The following ZNF487 variants were observed in gnomAD, a reference collection of about 807,000 sequenced individuals.
ZNF487 encodes KRAB domain only 1.
ZNF487 carries 4 observed loss-of-function variants against 3.0 expected under a neutral mutation model. The ratio of observed to expected loss-of-function variants is 1.35; its 90% CI spans 0.66 to 3.08. ZNF487 has a LOEUF of 3.08. Among genes scored for constraint, ZNF487 ranks in the 30% most tolerant of loss-of-function variants. ZNF487 has a pLI of 0.01. For synonymous variants in ZNF487, 55 were observed against 34.6 expected, an observed-to-expected ratio of 1.59 and a Z score of -2.06; for missense variants, 146 against 98.7, an observed-to-expected ratio of 1.48 and a Z score of -2.03.
intron 1 of ZNF487, among the ~76,000 whole-genome samples, chr10:43,438,642 A>G (rs1188179033): frequency 6.6e-6 from 1 of 152,182 alleles, no homozygotes; most frequent in South Asian, 2.1e-4. Context: ...TCCAAGAGAA[A>G]TGAAAGCGGG....
At chr10:43,470,974 T>C (rs1840885991) in intron 1 of ZNF487, among the ~76,000 whole-genome samples, 2 of 152,106 alleles carry the variant, frequency 1.3e-5, no homozygotes, top group Non-Finnish European at 2.9e-5. Flanking sequence ...ACTACAGGCA[T>C]GCACCACCAC....
intron 1 of ZNF487, among the ~76,000 whole-genome samples, chr10:43,462,249 G>A (rs1386548954): frequency 1.3e-5 from 2 of 151,766 alleles, no homozygotes; most frequent in Non-Finnish European, 2.9e-5. Flanking sequence ...CTCCCGAAGT[G>A]CTGGGATTGT....
chr10:43,438,636 A>C (rs531486457), intron 1 of ZNF487, among the ~76,000 whole-genome samples: 2 of 152,334 alleles, frequency 1.3e-5, no homozygotes, highest in South Asian at 4.1e-4. Context: ...TCTGAATCCA[A>C]GAGAAATGAA....
intron 1 of ZNF487, among the ~76,000 whole-genome samples, chr10:43,466,952 T>C (rs926326374): frequency 2.0e-5 from 3 of 151,728 alleles, no homozygotes; most frequent in Admixed American, 2.0e-4. Context: ...CACTGCAACC[T>C]CCACCTCCTA....
chr10:43,453,552 G>A, intron 1 of ZNF487: 1 of 152,156 alleles, frequency 6.6e-6, no homozygotes, highest in East Asian at 1.9e-4. Flanking sequence ...GTTATGGGGG[G>A]AGAGTTCTGC....
chr10:43,503,658 T>G, the ZNF487 span, among the ~76,000 whole-genome samples: 19,127 of 151,882 alleles, frequency 0.13, 2,578 homozygotes, highest in African/African-American at 0.34. Context: ...CAGGGTGGAG[T>G]ATAGTGGCAT....
chr10:43,470,066 A>T (rs1350290458), intron 1 of ZNF487, among the ~76,000 whole-genome samples: 1 of 152,174 alleles, frequency 6.6e-6, no homozygotes, highest in Non-Finnish European at 1.5e-5. Flanking sequence ...AAACCAACAT[A>T]CTCGCATGAC....
chr10:43,510,838 G>A, the ZNF487 span, among the ~76,000 whole-genome samples: 1 of 152,288 alleles, frequency 6.6e-6, no homozygotes, highest in South Asian at 2.1e-4. Flanking sequence ...GAGCCACCGT[G>A]CCCGGCCCTG....
At chr10:43,495,920 G>T in the ZNF487 span, 3 of 438,026 alleles carry the variant, frequency 6.8e-6, no homozygotes, top group Non-Finnish European at 4.7e-6. Context: ...TTTTTTCTTT[G>T]AGTATCAATA....
chr10:43,463,214 A>G (rs1840497121), intron 1 of ZNF487, among the ~76,000 whole-genome samples: 1 of 147,066 alleles, frequency 6.8e-6, no homozygotes, highest in African/African-American at 2.5e-5. Context: ...AGCCTGGGCA[A>G]CAAGAGCAAA....
the ZNF487 span, chr10:43,523,219 T>A: frequency 6.6e-6 from 1 of 152,236 alleles, no homozygotes; most frequent in African/African-American, 2.4e-5. Flanking sequence ...TTATAAGATA[T>A]GGTAAACTAT....
the ZNF487 span, among the ~76,000 whole-genome samples, chr10:43,504,719 TGTTG>T: frequency 1.5e-3 from 101 of 68,880 alleles, no homozygotes; most frequent in Non-Finnish European, 3.3e-3. Flanking sequence ...TTGTTGTTGT[TGTTG>T]TTTTTTTTTT....
the ZNF487 span, among the ~76,000 whole-genome samples, chr10:43,513,875 G>A: frequency 6.6e-6 from 1 of 152,152 alleles, no homozygotes; most frequent in Non-Finnish European, 1.5e-5. Context: ...CCCTGGAATC[G>A]TTAGCTCAGA....
the ZNF487 span, among the ~76,000 whole-genome samples, chr10:43,518,522 C>T: frequency 6.6e-6 from 1 of 152,024 alleles, no homozygotes; most frequent in African/African-American, 2.4e-5. Flanking sequence ...TTGCCCCTTT[C>T]TGATGCCCCT....
chr10:43,513,940 AGTTACC>A, the ZNF487 span, among the ~76,000 whole-genome samples: 1 of 152,166 alleles, frequency 6.6e-6, no homozygotes, highest in Non-Finnish European at 1.5e-5. Context: ...CCCAGTGCAC[AGTTACC>A]CTGGTAAAAG....
chr10:43,493,710 ATATATATAT>A, the ZNF487 span, among the ~76,000 whole-genome samples: 247 of 24,918 alleles, frequency 9.9e-3, 3 homozygotes, highest in Non-Finnish European at 0.013. Context: ...AAAAAAAAAA[ATATATATAT>A]ATATATATAT....
At chr10:43,465,392 G>A (rs1316527747) in intron 1 of ZNF487, among the ~76,000 whole-genome samples, 27 of 148,934 alleles carry the variant, frequency 1.8e-4, no homozygotes, top group Non-Finnish European at 3.2e-4. Context: ...CTTCTCAGAC[G>A]GGGCGGCTGC....
downstream of ZNF487, among the ~76,000 whole-genome samples, chr10:43,484,978 C>T (rs868812439): frequency 2.0e-5 from 3 of 152,202 alleles, no homozygotes; most frequent in Non-Finnish European, 2.9e-5. Context: ...CATGTCTAAG[C>T]TCAACACAAT....
the ZNF487 span, among the ~76,000 whole-genome samples, chr10:43,492,378 G>T: frequency 2.0e-5 from 3 of 151,776 alleles, no homozygotes; most frequent in Non-Finnish European, 2.9e-5. Flanking sequence ...TTTCATCTTT[G>T]AAAATGTGTT....
Sources: allele counts gnomAD v4.1 joint callset (sites outside exome capture counted in the v4.1 genomes callset), GRCh38; gene constraint gnomAD v4.1.1; transcripts MANE v1.5; gene names NCBI Gene and HGNC (gene_info 2026-07-23, HGNC 2026-07-21).